BCL11B: variants seen among roughly 807,000 people sequenced by gnomAD.
BCL11B encodes B-cell lymphoma/leukemia 11B.
Under a neutral mutation model 49.9 loss-of-function variants are expected in BCL11B, and 8 were observed. The observed-to-expected ratio is 0.16, with a 90% confidence interval of 0.09 to 0.29. The LOEUF is 0.29. Ranked by LOEUF, BCL11B falls within the 10% of genes least tolerant of loss-of-function variation. The pLI is 1.00. For missense variants in BCL11B, 1,006 were observed against 1,351.0 expected, an observed-to-expected ratio of 0.74 and a Z score of 4.00; for synonymous variants, 739 against 637.4, an observed-to-expected ratio of 1.16 and a Z score of -2.40.
chr14:99,198,600 G>A (rs1887247734), intron 3 of BCL11B, among the ~76,000 whole-genome samples: 1 of 152,070 alleles, frequency 6.6e-6, no homozygotes, highest in Admixed American at 6.5e-5. Context: ...TTCAGGCCGT[G>A]GTCCTGGAAG....
intron 2 of BCL11B, among the ~76,000 whole-genome samples, chr14:99,246,917 GAGGC>G (rs1474800813): frequency 3.9e-5 from 6 of 152,196 alleles, no homozygotes; most frequent in Non-Finnish European, 8.8e-5. Context: ...CAGTAGCGGG[GAGGC>G]AGGTGGCGCC....
In BCL11B at chr14:99,175,950, C is replaced by T. The variant is rs763710027; in HGVS notation, c.886G>A (p.Gly296Ser). 2.1e-6 allele frequency: 3 copies of T among 1,458,034 alleles called. No individual in the cohort carries two copies. The highest frequency in any genetic ancestry group is 2.9e-5 in the South Asian group (2 of 69,282). The allele number at this position is 1,458,034 out of a possible 1,614,324, so 90.3% of individuals were successfully genotyped here. ...SNPFNLLRMT[G>S]PILRDHPGFG... ...CCCGGGTGGTCCCGCAGGATGGGGC[C>T]CGTCATGCGCAGCAGGTTGAAGGGG... The change falls in exon 4 of 4, where the codon GGC (glycine) becomes AGC (serine). Residue 296 changes from glycine to serine, a missense_variant. Physicochemically the swap from Gly to Ser is moderately conservative, Grantham distance 56. Coordinates refer to ENST00000357195, the MANE Select transcript of BCL11B (RefSeq NM_138576.4).
At chr14:99,178,916 C>CT (rs1886617283) in intron 3 of BCL11B, among the ~76,000 whole-genome samples, 1 of 152,170 alleles carries the variant, frequency 6.6e-6, no homozygotes, top group Admixed American at 6.5e-5. Flanking sequence ...TTCATCATCT[C>CT]TGTTTCCCTG....
At chr14:99,238,615 C>A (rs574963656) in intron 2 of BCL11B, among the ~76,000 whole-genome samples, 2 of 152,180 alleles carry the variant, frequency 1.3e-5, no homozygotes, top group Admixed American at 6.5e-5. Context: ...GTTCCAGCCC[C>A]TAAGTGGGCA....
chr14:99,179,814 T>TA (rs2139770865), intron 3 of BCL11B, among the ~76,000 whole-genome samples: 1 of 152,168 alleles, frequency 6.6e-6, no homozygotes, highest in East Asian at 1.9e-4. Context: ...CTTTTTTTAA[T>TA]AAAACATTCA....
At chr14:99,253,349 A>T (rs143393084) in intron 2 of BCL11B, among the ~76,000 whole-genome samples, 85 of 152,282 alleles carry the variant, frequency 5.6e-4, no homozygotes, top group African/African-American at 1.9e-3. Context: ...GTGATGGTGG[A>T]TTTAGTCCCA....
intron 3 of BCL11B, among the ~76,000 whole-genome samples, chr14:99,211,969 C>A (rs1271752487): frequency 6.6e-6 from 1 of 152,080 alleles, no homozygotes; most frequent in African/African-American, 2.4e-5. Context: ...CCCCACTCCC[C>A]CCTCCACACA....
chr14:99,228,339 G>C lies in BCL11B; in HGVS notation c.640+3006C>G, dbSNP rs182376920. ...GTGCCAGGGACACAAATCACAAAGG[G>C]ACAAAAAACACCAGAATAGGATAGT... On this transcript the variant is annotated intron_variant, in intron 3 of 3. Transcript: ENST00000357195. The surrounding 1 kb of genome is among the most constrained non-coding windows in gnomAD (Gnocchi z 4.8). 2.0e-5 allele frequency among the ~76,000 whole-genome samples: 3 copies of C among 152,182 alleles called. No individual in the cohort carries two copies. Among genetic ancestry groups the C allele is most frequent in the Admixed American group, 2.0e-4 (3 of 15,294 alleles).
intron 3 of BCL11B, among the ~76,000 whole-genome samples, chr14:99,218,963 C>T (rs562946260): frequency 1.3e-5 from 2 of 152,280 alleles, no homozygotes; most frequent in South Asian, 2.1e-4. Flanking sequence ...TCAGGGAGCA[C>T]GGCCCTGCCG....
At chr14:99,223,262 C>T (rs1888063359) in intron 3 of BCL11B, among the ~76,000 whole-genome samples, 1 of 152,216 alleles carries the variant, frequency 6.6e-6, no homozygotes, top group African/African-American at 2.4e-5. Flanking sequence ...TATTGGCACT[C>T]TCTTCATCTA....
chr14:99,236,748 G>A (rs559540327), intron 2 of BCL11B, among the ~76,000 whole-genome samples: 8 of 152,234 alleles, frequency 5.3e-5, no homozygotes, highest in Admixed American at 2.6e-4. Flanking sequence ...GGCCTGGCCC[G>A]GGGATCTTCA....
At chr14:99,270,896 C>G (rs1454845592) in intron 1 of BCL11B, among the ~76,000 whole-genome samples, 2 of 151,102 alleles carry the variant, frequency 1.3e-5, no homozygotes, top group South Asian at 4.2e-4. Flanking sequence ...AGCCTGCATG[C>G]CCCCTCCCCG....
Position 99,172,093 on chromosome 14 carries a change from G to A in BCL11B, c.*2058C>T, listed in dbSNP as rs150910801. ...TACACACAATTTTTTTTTTACCCTT[G>A]TATGTACCCAATACTGTAAACGTAT... On this transcript the variant is annotated 3_prime_UTR_variant, in exon 4 of 4. Coordinates refer to ENST00000357195, the MANE Select transcript of BCL11B (RefSeq NM_138576.4). 5 of 218,082 alleles carry A rather than the reference G, an allele frequency of 2.3e-5. No homozygotes were observed. The East Asian group carries it at 3.4e-4, about 15-fold the overall frequency. 13.5% of individuals were successfully genotyped at this position (218,082 alleles called of 1,614,324 possible). A position where few individuals can be genotyped will look rare whatever the true frequency, so the allele number is the denominator to read the frequency against.
chr14:99,196,761 G>A (rs1887190682), intron 3 of BCL11B, among the ~76,000 whole-genome samples: 1 of 152,208 alleles, frequency 6.6e-6, no homozygotes, highest in African/African-American at 2.4e-5. Flanking sequence ...AGCTCTGTGT[G>A]CAGGGAGTGT....
At chr14:99,193,835 C>A in intron 3 of BCL11B, among the ~76,000 whole-genome samples, 1 of 152,144 alleles carries the variant, frequency 6.6e-6, no homozygotes, top group African/African-American at 2.4e-5. Flanking sequence ...CAGAAGGGAT[C>A]TGTCTTTTTA....
intron 3 of BCL11B, among the ~76,000 whole-genome samples, chr14:99,208,349 T>A (rs1887593524): frequency 6.6e-6 from 1 of 152,146 alleles, no homozygotes; most frequent in Admixed American, 6.5e-5. Context: ...ATCCCAGGAA[T>A]GGACAAGGAC....
chr14:99,227,263 C>G (rs1888185975), intron 3 of BCL11B, among the ~76,000 whole-genome samples: 1 of 152,198 alleles, frequency 6.6e-6, no homozygotes, highest in East Asian at 1.9e-4. Context: ...CGTGCATGGA[C>G]TCTAACTTCG....
In BCL11B at chr14:99,271,291, C is replaced by A; in HGVS notation, c.-73G>T. The A allele has an allele frequency of 1.9e-6, 2 of 1,029,702 alleles. No individual in the cohort carries two copies. The highest frequency in any genetic ancestry group is 2.5e-6 in the Non-Finnish European group (2 of 809,334). The allele number at this position is 1,029,702 out of a possible 1,614,324, so 63.8% of individuals were successfully genotyped here. A position where few individuals can be genotyped will look rare whatever the true frequency, so the allele number is the denominator to read the frequency against. On this transcript the variant is annotated 5_prime_UTR_variant, in exon 1 of 4. Transcript: ENST00000357195. Reference sequence around the variant, plus strand: ...GGGAGCCGGGGGAGGGGGTCCGAGCCGCCGCCGCGCCGCTGCCGCCGCTGC... The same window carrying A: ...GGGAGCCGGGGGAGGGGGTCCGAGCAGCCGCCGCGCCGCTGCCGCCGCTGC...
chr14:99,204,167 G>A, intron 3 of BCL11B, among the ~76,000 whole-genome samples: 1 of 152,152 alleles, frequency 6.6e-6, no homozygotes, highest in Non-Finnish European at 1.5e-5. Context: ...CCACAAAAGG[G>A]GTTCACTAAT....
Sources: allele counts gnomAD v4.1 joint callset (sites outside exome capture counted in the v4.1 genomes callset), GRCh38; gene constraint gnomAD v4.1.1; non-coding constraint Gnocchi (gnomAD v3.1); transcripts MANE v1.5; gene names NCBI Gene and HGNC (gene_info 2026-07-23, HGNC 2026-07-21).